TLK1: variants seen among roughly 807,000 people sequenced by gnomAD.
TLK1 encodes the protein serine/threonine-protein kinase tousled-like 1.
Under a neutral mutation model 105.3 loss-of-function variants are expected in TLK1, and 24 were observed. That is an observed-to-expected ratio of 0.23 (90% CI 0.17 to 0.32). TLK1 has a LOEUF of 0.32. TLK1 is among the 10% of genes least tolerant of loss of function. The pLI, the probability that TLK1 is intolerant of heterozygous loss-of-function variation, is 1.00. For synonymous variants in TLK1, 321 were observed against 310.4 expected, an observed-to-expected ratio of 1.03 and a Z score of -0.36; for missense variants, 558 against 910.5, an observed-to-expected ratio of 0.61 and a Z score of 4.98.
At chr2:171,177,562 GA>G (rs1300392765) in intron 1 of TLK1, among the ~76,000 whole-genome samples, 3 of 152,262 alleles carry the variant, frequency 2.0e-5, no homozygotes, top group Non-Finnish European at 4.4e-5. Context: ...ATGGTTATTG[GA>G]AAGAGAAACC....
At chr2:171,080,223 C>T (rs1429476517) in intron 3 of TLK1, among the ~76,000 whole-genome samples, 1 of 150,428 alleles carries the variant, frequency 6.6e-6, no homozygotes, top group Admixed American at 6.6e-5. Context: ...AGTAATAAAC[C>T]TTCCAGTACT....
intron 1 of TLK1, among the ~76,000 whole-genome samples, chr2:171,130,689 A>C (rs1691067137): frequency 6.6e-6 from 1 of 152,156 alleles, no homozygotes; most frequent in Non-Finnish European, 1.5e-5. Context: ...CCTTCAAATA[A>C]GGAACAAAAA....
At chr2:171,055,484 A>G (rs1446187052) in intron 6 of TLK1, among the ~76,000 whole-genome samples, 1 of 151,978 alleles carries the variant, frequency 6.6e-6, no homozygotes, top group Non-Finnish European at 1.5e-5. Context: ...AATAAGGCCA[A>G]ATAAATTATT....
chr2:171,128,274 T>TA, intron 1 of TLK1, among the ~76,000 whole-genome samples: 1 of 152,128 alleles, frequency 6.6e-6, no homozygotes. Flanking sequence ...TTCTTACTAA[T>TA]AAAAAAATCT....
At chr2:171,153,754 T>A (rs1692131246) in intron 1 of TLK1, 1 of 152,190 alleles carries the variant, frequency 6.6e-6, no homozygotes, top group Non-Finnish European at 1.5e-5. Context: ...CCTACTTACT[T>A]CACTTCCGGG....
chr2:171,221,271 G>C (rs951660812), intron 1 of TLK1, among the ~76,000 whole-genome samples: 5 of 151,970 alleles, frequency 3.3e-5, no homozygotes, highest in African/African-American at 1.2e-4. Flanking sequence ...TTTTCATCTG[G>C]GGAACTACCC....
intron 1 of TLK1, among the ~76,000 whole-genome samples, chr2:171,205,562 G>A (rs981116141): frequency 2.6e-5 from 4 of 152,060 alleles, no homozygotes; most frequent in East Asian, 3.9e-4. Context: ...GGGCTCAAGC[G>A]ATCCTCCCAC....
chr2:171,133,073 A>C (rs1691167346), intron 1 of TLK1, among the ~76,000 whole-genome samples: 1 of 152,234 alleles, frequency 6.6e-6, no homozygotes, highest in Non-Finnish European at 1.5e-5. Context: ...ATGTAAAACT[A>C]TATAATAATA....
chr2:171,001,630 C>T (rs1408222109), intron 18 of TLK1, among the ~76,000 whole-genome samples: 1 of 152,182 alleles, frequency 6.6e-6, no homozygotes, highest in Non-Finnish European at 1.5e-5. Flanking sequence ...CTGTCCCTTC[C>T]TACATCAAAT....
At chr2:171,012,289 T>G (rs187896813) in intron 13 of TLK1, among the ~76,000 whole-genome samples, 243 of 152,270 alleles carry the variant, frequency 1.6e-3, no homozygotes, top group African/African-American at 5.6e-3. Context: ...TCATTTAGTT[T>G]TCAACCCACC....
intron 11 of TLK1, among the ~76,000 whole-genome samples, chr2:171,036,550 T>A (rs747908795): frequency 6.6e-5 from 10 of 152,172 alleles, no homozygotes; most frequent in Non-Finnish European, 1.0e-4. Flanking sequence ...TGAATCCAAA[T>A]GGAGTTTGAA....
At chr2:171,081,769 G>T (rs1389837317) in intron 3 of TLK1, 1 of 1,200,078 alleles carries the variant, frequency 8.3e-7, no homozygotes, top group Admixed American at 2.3e-5. Flanking sequence ...TAGTGTCAGG[G>T]TGCCTGCACA....
intron 3 of TLK1, chr2:171,081,647 G>A: frequency 7.7e-7 from 1 of 1,304,028 alleles, no homozygotes; most frequent in African/African-American, 1.5e-5. Context: ...TACCTCAAGG[G>A]AACCTACTGC....
chr2:171,066,417 C>A (rs896067463), intron 3 of TLK1, among the ~76,000 whole-genome samples: 2 of 152,098 alleles, frequency 1.3e-5, no homozygotes, highest in South Asian at 4.1e-4. Context: ...TGGGTAACCA[C>A]CCAACTAAAA....
At chr2:171,227,186 A>G (rs1254354752) in intron 1 of TLK1, among the ~76,000 whole-genome samples, 1 of 152,078 alleles carries the variant, frequency 6.6e-6, no homozygotes, top group Non-Finnish European at 1.5e-5. Flanking sequence ...GTTGAGGTGG[A>G]GCTGACCCTT....
intron 3 of TLK1, among the ~76,000 whole-genome samples, chr2:171,062,755 C>G (rs1454582174): frequency 6.6e-6 from 1 of 152,164 alleles, no homozygotes; most frequent in East Asian, 1.9e-4. Context: ...ACATCAAGAA[C>G]TAACTAAATG....
chr2:171,159,261 T>A (rs534471545), intron 1 of TLK1, among the ~76,000 whole-genome samples: 1 of 152,232 alleles, frequency 6.6e-6, no homozygotes, highest in Non-Finnish European at 1.5e-5. Flanking sequence ...CGTCTACCAA[T>A]TGCGGATGAA....
At chr2:171,066,710 T>C in intron 3 of TLK1, 2 of 898,092 alleles carry the variant, frequency 2.2e-6, no homozygotes, top group Non-Finnish European at 3.3e-6. Flanking sequence ...TTGTCTGTTA[T>C]TTTCTTATCA....
chr2:171,224,123 T>C (rs28804212), intron 1 of TLK1, among the ~76,000 whole-genome samples: 8,356 of 152,288 alleles, frequency 0.055, 491 homozygotes, highest in East Asian at 0.25. Flanking sequence ...TTGATTTTTG[T>C]ATATATGAGA....
Sources: allele counts gnomAD v4.1 joint callset (sites outside exome capture counted in the v4.1 genomes callset), GRCh38; gene constraint gnomAD v4.1.1; transcripts MANE v1.5; gene names NCBI Gene and HGNC (gene_info 2026-07-23, HGNC 2026-07-21).